Variants in SETD5 observed in about 807,000 individuals in gnomAD.
SETD5 encodes histone-lysine N-methyltransferase SETD5.
In SETD5, 44 loss-of-function variants were observed where a neutral mutation model predicts 153.3. The observed-to-expected ratio is 0.29, with a 90% CI of 0.23 to 0.37. SETD5 has a LOEUF of 0.37. Ranked by LOEUF, SETD5 falls within the 10% of genes least tolerant of loss-of-function variation. SETD5 has a pLI of 1.00. For missense variants in SETD5, 1,544 were observed against 1,768.0 expected (o/e 0.87, Z 2.27); for synonymous variants, 716 against 645.2 (o/e 1.11, Z -1.66).
intron 7 of SETD5, 80 bp from the exon 8 acceptor site, chr3:9,440,376 C>T (rs2041127176): frequency 2.7e-6 from 2 of 733,552 alleles, no homozygotes; most frequent in Non-Finnish European, 2.4e-6. Context: ...TTCTCTGGAA[C>T]CCCAGCTTGT....
chr3:9,402,779 T>G (rs540055313), intron 1 of SETD5, among the ~76,000 whole-genome samples: 2 of 152,320 alleles, frequency 1.3e-5, no homozygotes, highest in Admixed American at 6.5e-5. Context: ...GATTTCTGTC[T>G]GGGGAATCAA....
At chr3:9,406,206 A>T (rs551732620) in intron 1 of SETD5, among the ~76,000 whole-genome samples, 32 of 152,354 alleles carry the variant, frequency 2.1e-4, no homozygotes, top group African/African-American at 7.5e-4. Flanking sequence ...TTTGGGGTAG[A>T]ATCTAAAGGG....
intron 11 of SETD5, 29 bp downstream of exon 11, chr3:9,443,446 G>T: frequency 6.7e-6 from 8 of 1,202,874 alleles, no homozygotes; most frequent in Non-Finnish European, 8.8e-6. Flanking sequence ...TTCCTAACAG[G>T]AATATCCATG....
chr3:9,453,464 G>C (rs138110845), intron 16 of SETD5, among the ~76,000 whole-genome samples: 1 of 152,208 alleles, frequency 6.6e-6, no homozygotes, highest in East Asian at 1.9e-4. Context: ...CATCCCAAAT[G>C]GTATGAAAAG....
In SETD5 at chr3:9,473,230, T is replaced by G. The variant is rs2045522562; in HGVS notation, c.3196-6T>G. The G allele has an allele frequency of 1.9e-6, 3 of 1,608,250 alleles. No individual in the cohort carries two copies. The highest frequency in any genetic ancestry group is 2.6e-6 in the Non-Finnish European group (3 of 1,175,678). ...GTTTTTTGTTTGTTTGTTTTTTCCT[T>G]TCTAGGTATCCCTGCTGGAGTACCG... On this transcript the variant is annotated splice_region_variant and splice_polypyrimidine_tract_variant and intron_variant, in intron 19 of 22. Transcript: ENST00000402198.
intron 10 of SETD5, chr3:9,442,980 C>A: frequency 5.1e-6 from 1 of 197,342 alleles, no homozygotes; most frequent in African/African-American, 2.4e-5. Context: ...GCAGAGGTTG[C>A]CGTGAGCCGA....
At chr3:9,409,351 AAAT>A (rs2036206941) in intron 1 of SETD5, among the ~76,000 whole-genome samples, 1 of 152,176 alleles carries the variant, frequency 6.6e-6, no homozygotes, top group African/African-American at 2.4e-5. Flanking sequence ...CTAGTTTTCA[AAAT>A]AATGGGTTGG....
At chr3:9,420,796 A>G (rs2038260453) in intron 1 of SETD5, among the ~76,000 whole-genome samples, 1 of 151,328 alleles carries the variant, frequency 6.6e-6, no homozygotes, top group African/African-American at 2.4e-5. Flanking sequence ...CCAGTAACTC[A>G]TATTTGTTTC....
At chr3:9,462,007 T>TAGGGG (rs1172820394) in intron 17 of SETD5, among the ~76,000 whole-genome samples, 3 of 152,250 alleles carry the variant, frequency 2.0e-5, no homozygotes, top group East Asian at 3.8e-4. Context: ...AATCTAGGAA[T>TAGGGG]ATTAAAAATC....
At chr3:9,455,727 T>C (rs998165226) in intron 17 of SETD5, among the ~76,000 whole-genome samples, 6 of 152,176 alleles carry the variant, frequency 3.9e-5, no homozygotes, top group Admixed American at 6.5e-5. Context: ...CTGGTGTGTG[T>C]GTTAATGCAT....
chr3:9,451,049 C>T (rs563166296), intron 16 of SETD5, among the ~76,000 whole-genome samples: 1 of 152,162 alleles, frequency 6.6e-6, no homozygotes, highest in South Asian at 2.1e-4. Context: ...AAGTGGCCAA[C>T]AAGGCTCTCA....
chr3:9,436,382 A>G (rs1267060002), intron 7 of SETD5, among the ~76,000 whole-genome samples: 4 of 152,166 alleles, frequency 2.6e-5, no homozygotes. Flanking sequence ...ACTTTCCTGT[A>G]TTCTCAGCTA....
At chr3:9,427,695 C>CT (rs1473859744) in intron 2 of SETD5, among the ~76,000 whole-genome samples, 1 of 152,018 alleles carries the variant, frequency 6.6e-6, no homozygotes, top group East Asian at 1.9e-4. Flanking sequence ...TCTTTGTAGT[C>CT]TTTTTTGCAA....
At chr3:9,436,349 T>C (rs2040565220) in intron 7 of SETD5, among the ~76,000 whole-genome samples, 1 of 152,226 alleles carries the variant, frequency 6.6e-6, no homozygotes, top group African/African-American at 2.4e-5. Context: ...TTGTATGGTC[T>C]AGGTTTCCTC....
At chr3:9,410,878 T>TC (rs977206340) in intron 1 of SETD5, among the ~76,000 whole-genome samples, 10 of 78,834 alleles carry the variant, frequency 1.3e-4, no homozygotes, top group African/African-American at 9.1e-4. Flanking sequence ...AAAAATTCTC[T>TC]TTTTTTTTTT....
At chr3:9,426,978 G>T (rs1323605470) in intron 2 of SETD5, among the ~76,000 whole-genome samples, 1 of 152,076 alleles carries the variant, frequency 6.6e-6, no homozygotes, top group African/African-American at 2.4e-5. Context: ...TACCTCCTGT[G>T]CTCAGGTGAT....
At chr3:9,419,919 T>C (rs572035829) in intron 1 of SETD5, among the ~76,000 whole-genome samples, 9 of 152,318 alleles carry the variant, frequency 5.9e-5, no homozygotes, top group East Asian at 1.9e-4. Context: ...TGTAGAGATA[T>C]GAGAAGTTCT....
intron 1 of SETD5, among the ~76,000 whole-genome samples, chr3:9,401,460 C>G (rs549314698): frequency 6.6e-6 from 1 of 152,274 alleles, no homozygotes; most frequent in East Asian, 1.9e-4. Flanking sequence ...AAGTTATACC[C>G]TTGAAAACTT....
Position 9,434,913 on chromosome 3 carries a change from T to G in SETD5, c.388+31T>G. The G allele has an allele frequency of 6.2e-7, 1 of 1,605,870 alleles. No homozygotes were observed. Among genetic ancestry groups the G allele is most frequent in the Non-Finnish European group, 8.5e-7 (1 of 1,176,198 alleles). On this transcript the variant is annotated intron_variant, in intron 6 of 22. Transcript: ENST00000402198. This position sits in a 1 kb window ranked among gnomAD's most constrained non-coding sequence, Gnocchi z 5.6. ...CGGAAGATGGGTTAGGTCCACAATT[T>G]GACATAAAAATATTCTGTGATCTGA...
Sources: allele counts gnomAD v4.1 joint callset (sites outside exome capture counted in the v4.1 genomes callset), GRCh38; gene constraint gnomAD v4.1.1; non-coding constraint Gnocchi (gnomAD v3.1); transcripts MANE v1.5; gene names NCBI Gene and HGNC (gene_info 2026-07-23, HGNC 2026-07-21).